Variants in KCNN3 observed in about 807,000 individuals in gnomAD.
KCNN3 encodes potassium calcium-activated channel subfamily N member 3, also known as small conductance calcium-activated potassium channel protein 3.
A neutral mutation model predicts 62.9 loss-of-function variants in KCNN3; 16 were observed. The observed-to-expected ratio is 0.25, with a 90% CI of 0.17 to 0.39. The LOEUF (loss-of-function observed/expected upper bound fraction) is 0.39, where lower values mean the gene tolerates loss of function less well. Ranked by LOEUF, KCNN3 falls within the 10% of genes least tolerant of loss-of-function variation. The pLI is 1.00. For missense variants in KCNN3, 599 were observed against 949.4 expected, an observed-to-expected ratio of 0.63 and a Z score of 4.85; for synonymous variants, 370 against 389.2, an observed-to-expected ratio of 0.95 and a Z score of 0.58.
chr1:154,868,213 C>T, intron 1 of KCNN3: 1 of 985,538 alleles, frequency 1.0e-6, no homozygotes, highest in African/African-American at 1.7e-5. Flanking sequence ...GAGGTGCTCC[C>T]CCAGCTGATT....
chr1:154,745,310 AC>A (rs1384851220), intron 3 of KCNN3, among the ~76,000 whole-genome samples: 1 of 152,250 alleles, frequency 6.6e-6, no homozygotes, highest in African/African-American at 2.4e-5. Flanking sequence ...AATGGCTCCA[AC>A]AAACAAATGC....
chr1:154,713,188 G>A (rs1336314186), intron 7 of KCNN3, among the ~76,000 whole-genome samples: 3 of 152,128 alleles, frequency 2.0e-5, no homozygotes, highest in East Asian at 1.9e-4. Flanking sequence ...AAAATGACAC[G>A]GAAAAGGTTT....
chr1:154,736,022 G>T (rs534353408), intron 3 of KCNN3, among the ~76,000 whole-genome samples: 6 of 152,326 alleles, frequency 3.9e-5, no homozygotes, highest in East Asian at 1.9e-4. Context: ...CTTGGGTAAG[G>T]TCTGAAGAAA....
intron 3 of KCNN3, among the ~76,000 whole-genome samples, chr1:154,756,741 T>C (rs1647735486): frequency 6.6e-6 from 1 of 152,190 alleles, no homozygotes; most frequent in Non-Finnish European, 1.5e-5. Context: ...TGCAAACTTC[T>C]TTTTTCCACT....
In KCNN3 at chr1:154,735,214, A is replaced by G. The variant is rs146492584; in HGVS notation, c.1449-2070T>C. On this transcript the variant is annotated intron_variant, in intron 3 of 7. Coordinates refer to ENST00000271915, the MANE Select transcript of KCNN3 (RefSeq NM_002249.6). Reference sequence around the variant, plus strand: ...GACCAGGCAAGAAACAGGTGTGCAAAGCTGGGACAGAGACGCAGGCCACAG... The same window carrying G: ...GACCAGGCAAGAAACAGGTGTGCAAGGCTGGGACAGAGACGCAGGCCACAG... Among the ~76,000 whole-genome samples, 21 of 152,288 alleles carry G rather than the reference A, an allele frequency of 1.4e-4. No individual in the cohort carries two copies. The East Asian group carries it at 3.9e-3, about 28-fold the overall frequency.
intron 4 of KCNN3, among the ~76,000 whole-genome samples, chr1:154,727,016 C>A (rs1169140884): frequency 3.3e-5 from 5 of 152,226 alleles, no homozygotes; most frequent in Non-Finnish European, 5.9e-5. Context: ...TTAAAATCCT[C>A]TTCGCTAGGC....
chr1:154,750,739 C>G (rs1042028511), intron 3 of KCNN3, among the ~76,000 whole-genome samples: 1 of 152,120 alleles, frequency 6.6e-6, no homozygotes, highest in South Asian at 2.1e-4. Flanking sequence ...TTTGAAGACA[C>G]AGATGCCCAG....
chr1:154,758,625 C>G (rs1349843925), intron 3 of KCNN3, among the ~76,000 whole-genome samples: 1 of 152,102 alleles, frequency 6.6e-6, no homozygotes, highest in Non-Finnish European at 1.5e-5. Flanking sequence ...CCCTTAAACT[C>G]TCTGTGCAGT....
At position 154,870,201 on chromosome 1, in the gene KCNN3, G is replaced by T. The variant is rs181404879; in HGVS notation, c.-237C>A. On this transcript the variant is annotated 5_prime_UTR_variant, in exon 1 of 8. Coordinates refer to ENST00000271915, the MANE Select transcript of KCNN3 (RefSeq NM_002249.6). ...AGGAGGGGAGCTTGGAGAAAGAAGAGGGGGTGAAAGAACTCTCTCAGGAGG... is the reference window on the plus strand; with the variant it reads ...AGGAGGGGAGCTTGGAGAAAGAAGATGGGGTGAAAGAACTCTCTCAGGAGG... The T allele has an allele frequency of 2.9e-6, 2 of 690,098 alleles. No homozygotes were observed. The highest frequency in any genetic ancestry group is 2.8e-5 in the East Asian group (1 of 35,664). 42.7% of individuals were successfully genotyped at this position (690,098 alleles called of 1,614,324 possible). A position where few individuals can be genotyped will look rare whatever the true frequency, so the allele number is the denominator to read the frequency against.
At chr1:154,724,093 G>A (rs927130051) in intron 5 of KCNN3, among the ~76,000 whole-genome samples, 2 of 152,140 alleles carry the variant, frequency 1.3e-5, no homozygotes, top group Admixed American at 1.3e-4. Context: ...ATATTTGCCC[G>A]TACCAGTTCC....
intron 2 of KCNN3, among the ~76,000 whole-genome samples, chr1:154,815,010 G>A (rs1390677283): frequency 1.3e-5 from 2 of 152,200 alleles, no homozygotes; most frequent in Non-Finnish European, 2.9e-5. Context: ...GGCAGAGGAG[G>A]CCCCCATCTG....
chr1:154,841,803 C>A (rs1430187394), intron 1 of KCNN3, among the ~76,000 whole-genome samples: 2 of 152,224 alleles, frequency 1.3e-5, no homozygotes, highest in Non-Finnish European at 2.9e-5. Context: ...CTGTGCAGGG[C>A]TGGGGAGAGC....
At chr1:154,759,895 A>C (rs1253483358) in intron 3 of KCNN3, among the ~76,000 whole-genome samples, 4 of 152,366 alleles carry the variant, frequency 2.6e-5, no homozygotes, top group African/African-American at 9.6e-5. Context: ...TTGCACCCAC[A>C]GTCCCAAACT....
intron 4 of KCNN3, among the ~76,000 whole-genome samples, chr1:154,728,413 T>C (rs1700514417): frequency 6.6e-6 from 1 of 152,184 alleles, no homozygotes; most frequent in South Asian, 2.1e-4. Flanking sequence ...ATTTTTCCAT[T>C]GACTGGATGT....
chr1:154,817,621 C>A (rs1650721405), intron 2 of KCNN3, among the ~76,000 whole-genome samples: 1 of 152,224 alleles, frequency 6.6e-6, no homozygotes, highest in Admixed American at 6.5e-5. Flanking sequence ...GCTCTGAAGT[C>A]TACATTCTCA....
intron 1 of KCNN3, among the ~76,000 whole-genome samples, chr1:154,846,396 G>C (rs374427842): frequency 6.6e-6 from 1 of 152,154 alleles, no homozygotes; most frequent in African/African-American, 2.4e-5. Context: ...TACAGCCCCC[G>C]AGGCTCCTTT....
At chr1:154,808,818 A>G (rs1373578848) in intron 2 of KCNN3, among the ~76,000 whole-genome samples, 2 of 152,194 alleles carry the variant, frequency 1.3e-5, no homozygotes, top group African/African-American at 4.8e-5. Flanking sequence ...GAAGCACCAT[A>G]AAGAGCTGAT....
At chr1:154,746,885 G>A (rs1700949857) in intron 3 of KCNN3, among the ~76,000 whole-genome samples, 1 of 152,208 alleles carries the variant, frequency 6.6e-6, no homozygotes, top group South Asian at 2.1e-4. Flanking sequence ...ATCCTGTGCT[G>A]TAAAGTGGGG....
intron 2 of KCNN3, among the ~76,000 whole-genome samples, chr1:154,774,682 C>T (rs1335442297): frequency 6.6e-6 from 1 of 152,262 alleles, no homozygotes; most frequent in African/African-American, 2.4e-5. Context: ...GAACACATCC[C>T]ACTCAAGACT....
Sources: gnomAD v4.1 joint callset for allele counts (sites outside exome capture counted in the v4.1 genomes callset) on GRCh38, gnomAD v4.1.1 for gene constraint, MANE v1.5 for transcripts, NCBI Gene and HGNC (gene_info 2026-07-23, HGNC 2026-07-21) for gene names.